Variants in PTPN3 observed in about 807,000 individuals in gnomAD.
The protein encoded by PTPN3 is protein tyrosine phosphatase non-receptor type 3, also known as tyrosine-protein phosphatase non-receptor type 3.
A neutral mutation model predicts 132.7 loss-of-function variants in PTPN3; 96 were observed. The observed-to-expected ratio is 0.72, with a 90% CI of 0.61 to 0.86. The LOEUF (loss-of-function observed/expected upper bound fraction) is 0.86. Ranked by LOEUF, PTPN3 falls within the 40% of genes least tolerant of loss-of-function variation. The pLI is 0.00. For missense variants in PTPN3, 1,125 were observed against 1,159.6 expected, an observed-to-expected ratio of 0.97 and a Z score of 0.43; for synonymous variants, 398 against 429.0, an observed-to-expected ratio of 0.93 and a Z score of 0.89.
chr9:109,499,837 G>C (rs1847834015), upstream of PTPN3, among the ~76,000 whole-genome samples: 1 of 152,310 alleles, frequency 6.6e-6, no homozygotes. Context: ...TCCAGGGGCA[G>C]GACCGCCCGC....
chr9:109,385,727 G>T (rs1839527423), intron 22 of PTPN3, among the ~76,000 whole-genome samples: 1 of 152,230 alleles, frequency 6.6e-6, no homozygotes, highest in South Asian at 2.1e-4. Flanking sequence ...TTCTGGAGAA[G>T]TTGTCAATGG....
the PTPN3 span, among the ~76,000 whole-genome samples, chr9:109,519,523 G>A: frequency 6.6e-6 from 1 of 152,206 alleles, no homozygotes; most frequent in Non-Finnish European, 1.5e-5. Flanking sequence ...AGCCTTGTTT[G>A]AAGAATGAGG....
chr9:109,437,903 C>T (rs1195528155), intron 8 of PTPN3, among the ~76,000 whole-genome samples: 3 of 152,214 alleles, frequency 2.0e-5, no homozygotes, highest in Admixed American at 6.5e-5. Flanking sequence ...GCAGCTATCA[C>T]CCTAAACTCT....
the PTPN3 span, among the ~76,000 whole-genome samples, chr9:109,503,544 A>T: frequency 1.3e-5 from 2 of 151,766 alleles, no homozygotes; most frequent in Admixed American, 1.3e-4. Flanking sequence ...GTCTCTACTT[A>T]AAAAAAATAC....
chr9:109,495,452 T>G (rs963286272), intron 1 of PTPN3, among the ~76,000 whole-genome samples: 6 of 152,228 alleles, frequency 3.9e-5, no homozygotes, highest in Non-Finnish European at 7.3e-5. Flanking sequence ...AGGTTATGCC[T>G]GTCCTAGAAA....
At chr9:109,503,745 A>G in the PTPN3 span, among the ~76,000 whole-genome samples, 25 of 152,162 alleles carry the variant, frequency 1.6e-4, no homozygotes, top group African/African-American at 5.3e-4. Flanking sequence ...TCTGCAAATT[A>G]TCACTGTAAA....
At chr9:109,504,394 A>G in the PTPN3 span, among the ~76,000 whole-genome samples, 1 of 152,212 alleles carries the variant, frequency 6.6e-6, no homozygotes, top group African/African-American at 2.4e-5. Context: ...TCAGCTCATC[A>G]AAAAGTAAAT....
chr9:109,412,989 G>A (rs1203447237), intron 14 of PTPN3, among the ~76,000 whole-genome samples: 1 of 149,756 alleles, frequency 6.7e-6, no homozygotes, highest in African/African-American at 2.5e-5. Context: ...GCCCAGGCTG[G>A]AGTGCAGTGG....
chr9:109,413,002 C>T (rs1161722404), intron 14 of PTPN3, among the ~76,000 whole-genome samples: 1 of 149,950 alleles, frequency 6.7e-6, no homozygotes, highest in Non-Finnish European at 1.5e-5. Context: ...TGCAGTGGCA[C>T]AGTCTCAGCT....
At chr9:109,399,630 CTT>C (rs75288268) in intron 19 of PTPN3, among the ~76,000 whole-genome samples, 1 of 149,348 alleles carries the variant, frequency 6.7e-6, no homozygotes, top group African/African-American at 2.5e-5. Context: ...ACAGGAGGGA[CTT>C]TTTTTTCATA....
At chr9:109,451,051 A>G (rs77308894) in intron 5 of PTPN3, 1 of 928,200 alleles carries the variant, frequency 1.1e-6, no homozygotes, top group South Asian at 5.1e-5. Flanking sequence ...TTAATTTTTA[A>G]TTTTTTTAAA....
chr9:109,379,608 G>T lies in PTPN3; in HGVS notation c.2690C>A (p.Ala897Glu). Residue 897 changes from alanine (A) to glutamate (E), a missense_variant, in exon 26 of 26, where the codon GCG (alanine) becomes GAG (glutamate). Physicochemically the swap from Ala to Glu is moderately radical, Grantham distance 107. Coordinates refer to ENST00000374541, the MANE Select transcript of PTPN3 (RefSeq NM_002829.4). ...ACCTTCTTCATACACACGAAGAATC[G>T]CTTCACACACAAACTTGTACTGGCT... ...TSSQYKFVCE[A>E]ILRVYEEGLV... 1 of 1,614,070 alleles carries T rather than the reference G, an allele frequency of 6.2e-7. No individual in the cohort carries two copies. Among genetic ancestry groups the T allele is most frequent in the Non-Finnish European group, 8.5e-7 (1 of 1,179,988 alleles).
At chr9:109,438,957 G>A (rs567789360) in intron 7 of PTPN3, among the ~76,000 whole-genome samples, 5 of 152,222 alleles carry the variant, frequency 3.3e-5, no homozygotes, top group Non-Finnish European at 7.3e-5. Context: ...GGGACCTGCA[G>A]GTGCAGAGGG....
chr9:109,399,597 C>T (rs911787507), intron 19 of PTPN3, among the ~76,000 whole-genome samples: 1 of 150,652 alleles, frequency 6.6e-6, no homozygotes, highest in Non-Finnish European at 1.5e-5. Flanking sequence ...CTGGAACACA[C>T]TTGTGATTGT....
intron 1 of PTPN3, among the ~76,000 whole-genome samples, chr9:109,486,521 C>A (rs1847217885): frequency 1.3e-5 from 2 of 151,980 alleles, no homozygotes; most frequent in East Asian, 1.9e-4. Context: ...TTATGGGGGA[C>A]AAGTGAAGAG....
the PTPN3 span, among the ~76,000 whole-genome samples, chr9:109,538,308 T>A: frequency 6.6e-6 from 1 of 152,258 alleles, no homozygotes; most frequent in African/African-American, 2.4e-5. Context: ...AATTGAATGC[T>A]GTAATCCTTT....
intron 14 of PTPN3, among the ~76,000 whole-genome samples, chr9:109,412,667 C>T (rs1228444313): frequency 4.6e-5 from 7 of 152,010 alleles, no homozygotes; most frequent in South Asian, 2.1e-4. Flanking sequence ...GCCACCATGC[C>T]CAGCCTTTTA....
At chr9:109,447,763 C>CA (rs1266033198) in intron 6 of PTPN3, among the ~76,000 whole-genome samples, 16 of 152,194 alleles carry the variant, frequency 1.1e-4, no homozygotes, top group Admixed American at 5.2e-4. Flanking sequence ...TGCCAGTCTT[C>CA]CCTTGTGCAC....
intron 14 of PTPN3, 94 bp from the exon 15 acceptor site, chr9:109,410,509 G>T: frequency 7.3e-7 from 1 of 1,365,104 alleles, no homozygotes; most frequent in Non-Finnish European, 1.0e-6. Flanking sequence ...GCTGGGGGCT[G>T]TATGTTTCCC....
Sources: gnomAD v4.1 joint callset for allele counts (sites outside exome capture counted in the v4.1 genomes callset) on GRCh38, gnomAD v4.1.1 for gene constraint, MANE v1.5 for transcripts, NCBI Gene and HGNC (gene_info 2026-07-23, HGNC 2026-07-21) for gene names.